Variants in STON2 observed in about 807,000 individuals in gnomAD.
The protein encoded by STON2 is stonin-2.
Under a neutral mutation model 65.7 loss-of-function variants are expected in STON2, and 29 were observed. That is an observed-to-expected ratio of 0.44 (90% CI 0.33 to 0.60). The LOEUF is 0.60. Among genes scored for constraint, STON2 ranks in the 20% least tolerant of loss-of-function variants. The pLI is 0.03. For missense variants in STON2, 1,054 were observed against 1,118.1 expected (o/e 0.94, Z 0.82); for synonymous variants, 404 against 414.2 (o/e 0.98, Z 0.30).
intron 4 of STON2, among the ~76,000 whole-genome samples, chr14:81,353,482 T>A (rs548278140): frequency 2.0e-5 from 3 of 151,824 alleles, no homozygotes; most frequent in Non-Finnish European, 4.4e-5. Context: ...CCCCACAAAT[T>A]GGAAAAAATC....
intron 4 of STON2, among the ~76,000 whole-genome samples, chr14:81,330,513 T>G (rs1198366304): frequency 6.6e-6 from 1 of 152,214 alleles, no homozygotes; most frequent in African/African-American, 2.4e-5. Flanking sequence ...GATCTAATAT[T>G]TTTAAAAAGA....
intron 2 of STON2, among the ~76,000 whole-genome samples, chr14:81,408,970 T>C (rs1213684270): frequency 1.3e-5 from 2 of 152,252 alleles, no homozygotes; most frequent in Non-Finnish European, 1.5e-5. Context: ...TAACTCCACT[T>C]CATATTTTTT....
At position 81,261,869 on chromosome 14, in the gene STON2, T is replaced by A. The variant is rs1246417976; in HGVS notation, c.*6545A>T. On this transcript the variant is annotated 3_prime_UTR_variant, in exon 8 of 8. Coordinates refer to ENST00000614646, the MANE Select transcript of STON2 (RefSeq NM_001394390.1). Reference sequence around the variant, plus strand: ...TCACCACCCTCTTTGATCCTCTTTTTAAATCTGTGTGTGGAAGGCAACTGC... The same window carrying A: ...TCACCACCCTCTTTGATCCTCTTTTAAAATCTGTGTGTGGAAGGCAACTGC... 6.5e-7 allele frequency: 1 copy of A among 1,534,160 alleles called. No individual in the cohort carries two copies. Among genetic ancestry groups the A allele is most frequent in the Non-Finnish European group, 8.7e-7 (1 of 1,146,484 alleles).
At chr14:81,406,660 TGA>T (rs1398566379) in intron 2 of STON2, among the ~76,000 whole-genome samples, 1 of 152,128 alleles carries the variant, frequency 6.6e-6, no homozygotes, top group African/African-American at 2.4e-5. Context: ...GTTGGATGCT[TGA>T]GATGTTAATA....
At chr14:81,427,943 G>C (rs1032492433) in intron 1 of STON2, among the ~76,000 whole-genome samples, 1 of 152,114 alleles carries the variant, frequency 6.6e-6, no homozygotes, top group Non-Finnish European at 1.5e-5. Context: ...AGAGAGGTAG[G>C]TTTAAAGCCC....
chr14:81,271,144 C>T (rs1037889815), intron 6 of STON2, among the ~76,000 whole-genome samples: 1 of 152,126 alleles, frequency 6.6e-6, no homozygotes, highest in African/African-American at 2.4e-5. Flanking sequence ...ATCCTGCCTG[C>T]TCAAGTGAGA....
intron 2 of STON2, among the ~76,000 whole-genome samples, chr14:81,412,459 A>T (rs1161809987): frequency 7.1e-6 from 1 of 140,172 alleles, no homozygotes; most frequent in South Asian, 2.4e-4. Context: ...CCGTGAGGAC[A>T]TCATGCTAAG....
At chr14:81,394,876 G>T (rs943353186) in intron 3 of STON2, 3 of 152,186 alleles carry the variant, frequency 2.0e-5, no homozygotes, top group African/African-American at 7.2e-5. Flanking sequence ...CTGAAATACA[G>T]AATCATAAGA....
At chr14:81,297,039 A>G (rs1895788829) in intron 5 of STON2, among the ~76,000 whole-genome samples, 1 of 152,198 alleles carries the variant, frequency 6.6e-6, no homozygotes, top group African/African-American at 2.4e-5. Flanking sequence ...CTCTAACCCT[A>G]CAGGGCCCTT....
At chr14:81,320,455 A>G (rs1445799447) in intron 5 of STON2, among the ~76,000 whole-genome samples, 1 of 38,480 alleles carries the variant, frequency 2.6e-5, no homozygotes, top group South Asian at 1.1e-3. Context: ...AATCCATTAC[A>G]TAGCATAACA....
chr14:81,320,135 G>T (rs1222274336), intron 5 of STON2, among the ~76,000 whole-genome samples: 1 of 152,040 alleles, frequency 6.6e-6, no homozygotes, highest in Non-Finnish European at 1.5e-5. Flanking sequence ...GTCACCTGGG[G>T]TGATGGGGTC....
rs1182797696 is a variant in STON2 at position 81,277,628 on chromosome 14, T to C, written c.1854A>G (p.Thr618=). ...DLPVLSMDLS[T]VGLNYLEEEI... Reference sequence around the variant, plus strand: ...CCTCTTCAAGGTAGTTGAGGCCAACTGTGCTCAAGTCCATTGACAACACTG... The same window carrying C: ...CCTCTTCAAGGTAGTTGAGGCCAACCGTGCTCAAGTCCATTGACAACACTG... Residue 618 remains threonine, a synonymous_variant, in exon 6 of 8, where the codon ACA becomes ACG. Coordinates refer to ENST00000614646, the MANE Select transcript of STON2 (RefSeq NM_001394390.1). The C allele has an allele frequency of 1.2e-6, 2 of 1,614,062 alleles. No homozygotes were observed. The highest frequency in any genetic ancestry group is 1.7e-6 in the Non-Finnish European group (2 of 1,180,036).
chr14:81,363,509 T>C (rs1200838613), intron 4 of STON2, among the ~76,000 whole-genome samples: 2 of 152,132 alleles, frequency 1.3e-5, no homozygotes, highest in Admixed American at 6.6e-5. Context: ...CATTAGAGTT[T>C]TTTGGTTTTA....
intron 4 of STON2, among the ~76,000 whole-genome samples, chr14:81,334,614 A>G: frequency 6.6e-6 from 1 of 152,154 alleles, no homozygotes; most frequent in East Asian, 1.9e-4. Flanking sequence ...CTGGGCACCT[A>G]GAAAGAAAGA....
intron 2 of STON2, among the ~76,000 whole-genome samples, chr14:81,409,274 G>A (rs949158774): frequency 1.3e-5 from 2 of 151,898 alleles, no homozygotes; most frequent in African/African-American, 2.4e-5. Context: ...GCGTAGTGGT[G>A]TGCGCCCATA....
chr14:81,371,318 TA>T (rs1898982418), intron 3 of STON2, 133 bp from the exon 4 acceptor site: 2 of 779,272 alleles, frequency 2.6e-6, no homozygotes, highest in Non-Finnish European at 4.1e-6. Flanking sequence ...GGAAGTCTTG[TA>T]TGGAGAGTAT....
intron 7 of STON2, chr14:81,270,051 A>G: frequency 1.1e-5 from 11 of 983,418 alleles, no homozygotes; most frequent in Non-Finnish European, 1.3e-5. Context: ...GACATAAATT[A>G]TATTGCAAAT....
chr14:81,415,821 A>G (rs1224964126), intron 2 of STON2, among the ~76,000 whole-genome samples: 1 of 152,202 alleles, frequency 6.6e-6, no homozygotes, highest in African/African-American at 2.4e-5. Context: ...CAAAAAAATC[A>G]TAATATTTTT....
chr14:81,372,550 C>CAAA (rs202208931), intron 3 of STON2, among the ~76,000 whole-genome samples: 12 of 95,766 alleles, frequency 1.3e-4, no homozygotes, highest in Non-Finnish European at 1.8e-4. Flanking sequence ...AACCCTATCT[C>CAAA]AAAAAAAAAA....
Sources: gnomAD v4.1 joint callset for allele counts (sites outside exome capture counted in the v4.1 genomes callset) on GRCh38, gnomAD v4.1.1 for gene constraint, MANE v1.5 for transcripts, NCBI Gene and HGNC (gene_info 2026-07-23, HGNC 2026-07-21) for gene names.